The following C1orf54 variants were observed in gnomAD, a reference collection of about 807,000 sequenced individuals.
C1orf54 encodes chromosome 1 open reading frame 54, also known as uncharacterized protein C1orf54.
C1orf54 carries 12 observed loss-of-function variants against 14.7 expected under a neutral mutation model. That is an observed-to-expected ratio of 0.82 (90% CI 0.52 to 1.32). The LOEUF is 1.32. Ranked by LOEUF, C1orf54 falls within the 40% of genes most tolerant of loss-of-function variation. The pLI is 0.00. For synonymous variants in C1orf54, 65 were observed against 56.3 expected (o/e 1.16, Z -0.70); for missense variants, 163 against 162.2 (o/e 1.00, Z -0.03).
chr1:150,277,156 G>A (rs2101877042), intron 4 of C1orf54, among the ~76,000 whole-genome samples: 1 of 152,212 alleles, frequency 6.6e-6, no homozygotes, highest in Non-Finnish European at 1.5e-5. Flanking sequence ...TTGATTGGTG[G>A]GTAGTTATGG....
At position 150,280,862 on chromosome 1, in the gene C1orf54, G is replaced by A; in HGVS notation, c.*31G>A. ...GGAAGAAGGCTGCTATGACTCTTTG[G>A]ATGGGAGTCTGGCAAGAGGAAATTG... On this transcript the variant is annotated 3_prime_UTR_variant, in exon 6 of 6. Transcript: ENST00000369099. 1 of 1,550,272 alleles carries A rather than the reference G, an allele frequency of 6.5e-7. No individual in the cohort carries two copies. Among genetic ancestry groups the A allele is most frequent in the Non-Finnish European group, 8.7e-7 (1 of 1,146,890 alleles).
intron 1 of C1orf54, among the ~76,000 whole-genome samples, 196 bp downstream of exon 1, chr1:150,273,059 T>C (rs770939598): frequency 1.8e-4 from 28 of 151,666 alleles, no homozygotes; most frequent in Non-Finnish European, 3.2e-4. Context: ...AAAAGCAGAG[T>C]CCTGTCAAAC....
chr1:150,273,701 G>T (rs1299282549), intron 1 of C1orf54, among the ~76,000 whole-genome samples: 1 of 152,190 alleles, frequency 6.6e-6, no homozygotes, highest in Non-Finnish European at 1.5e-5. Context: ...GATAAGAAAA[G>T]ATGTCTCACA....
intron 4 of C1orf54, among the ~76,000 whole-genome samples, chr1:150,277,203 CA>C (rs782078564): frequency 2.2e-4 from 34 of 151,864 alleles, no homozygotes; most frequent in Non-Finnish European, 3.2e-4. Flanking sequence ...ATAGTTATTC[CA>C]AGAGTGAAAG....
rs1652308514 is a variant in C1orf54, at chr1:150,272,845, G to A, written c.28G>A (p.Ala10Thr). Residue 10 changes from alanine to threonine, a missense_variant, in exon 1 of 6, where the codon GCT becomes ACT. Transcript: ENST00000369099. MDVLFVAIFAVPLILGQEYE... is the reference protein window; with the variant it reads MDVLFVAIFTVPLILGQEYE... ...GGATGTCCTCTTTGTAGCCATCTTT[G>A]CTGTGCCACTTATCCTGGGTAAGTC... is the stretch of plus-strand genomic sequence containing the variant. 1.2e-6 allele frequency: 2 copies of A among 1,614,132 alleles called. No homozygotes were observed. The highest frequency in any genetic ancestry group is 1.7e-5 in the Admixed American group (1 of 60,014).
upstream of C1orf54, among the ~76,000 whole-genome samples, chr1:150,271,568 C>G (rs587731997): frequency 1.4e-4 from 21 of 152,248 alleles, no homozygotes; most frequent in Non-Finnish European, 2.8e-4. Flanking sequence ...CAAAGCAAAA[C>G]TGTCTTTTCT....
upstream of C1orf54, chr1:150,268,958 G>C (rs1317652512): frequency 1.7e-5 from 11 of 640,906 alleles, no homozygotes; most frequent in African/African-American, 1.1e-4. Context: ...GAAGGGGAAG[G>C]GGGGGAACCG....
At chr1:150,276,486 G>C (rs1553852486) in intron 3 of C1orf54, 36 bp from the exon 4 acceptor site, 1 of 1,538,282 alleles carries the variant, frequency 6.5e-7, no homozygotes, top group Non-Finnish European at 9.0e-7. Context: ...TGGAAAAACT[G>C]ATAACTCTGT....
chr1:150,271,654 A>C (rs1278720473), upstream of C1orf54, among the ~76,000 whole-genome samples: 3 of 152,258 alleles, frequency 2.0e-5, no homozygotes, highest in Non-Finnish European at 4.4e-5. Context: ...TATGTTGCTA[A>C]GGGTTTCTGA....
chr1:150,279,843 T>C (rs1652955105), intron 5 of C1orf54, 102 bp downstream of exon 5: 1 of 1,003,364 alleles, frequency 1.0e-6, no homozygotes, highest in African/African-American at 1.6e-5. Context: ...TAGTTAGTGT[T>C]TCCAGCCTGG....
At chr1:150,275,035 GAA>G (rs201443491) in intron 2 of C1orf54, among the ~76,000 whole-genome samples, 1 of 47,766 alleles carries the variant, frequency 2.1e-5, no homozygotes, top group African/African-American at 8.6e-5. Flanking sequence ...TGTCTCTATA[GAA>G]AAAAAAATTT....
chr1:150,274,142 C>CT lies in C1orf54; in HGVS notation c.103dup (p.Tyr35LeufsTer10), dbSNP rs1553851904. 6.2e-7 allele frequency: 1 copy of CT among 1,612,226 alleles called. No individual in the cohort carries two copies. The highest frequency in any genetic ancestry group is 2.2e-5 in the East Asian group (1 of 44,874). ...GAGAGGATGAATATTATCAGGTGGTCTATTATTATACAGTCACCCCCAGTT... is the reference window on the plus strand; with the variant it reads ...GAGAGGATGAATATTATCAGGTGGTCTTATTATTATACAGTCACCCCCAGTT... On this transcript the variant is annotated frameshift_variant, in exon 2 of 6. Transcript: ENST00000369099. LOFTEE classifies it high-confidence loss of function.
At chr1:150,279,849 C>A in intron 5 of C1orf54, 108 bp downstream of exon 5, 2 of 958,022 alleles carry the variant, frequency 2.1e-6, no homozygotes, top group Non-Finnish European at 3.2e-6. Flanking sequence ...GTGTTTCCAG[C>A]CTGGTCAATT....
In C1orf54 at chr1:150,274,111, G is replaced by C; in HGVS notation, c.71G>C (p.Arg24Thr). 1 of 1,612,448 alleles carries C rather than the reference G, an allele frequency of 6.2e-7. No individual in the cohort carries two copies. The highest frequency in any genetic ancestry group is 8.5e-7 in the Non-Finnish European group (1 of 1,178,530). The change falls in exon 2 of 6, where the codon AGA becomes ACA. Residue 24 changes from arginine to threonine, a missense_variant. Coordinates refer to ENST00000369099, the MANE Select transcript of C1orf54 (RefSeq NM_024579.4). ...ILGQEYEDEE[R>T]LGEDEYYQVV... ...GGACAAGAATATGAGGATGAAGAAA[G>C]ACTGGGAGAGGATGAATATTATCAG...
Position 150,280,915 on chromosome 1 carries a change from A to C in C1orf54, c.*84A>C, listed in dbSNP as rs782533472. Reference sequence around the variant, plus strand: ...AGATAAAATAAATAATAAGTGAAATAATCTGGTTACCATCTACTCCTTCAT... The same window carrying C: ...AGATAAAATAAATAATAAGTGAAATCATCTGGTTACCATCTACTCCTTCAT... On this transcript the variant is annotated 3_prime_UTR_variant, in exon 6 of 6. Transcript: ENST00000369099. The C allele has an allele frequency of 6.5e-7, 1 of 1,543,946 alleles. No homozygotes were observed. The highest frequency in any genetic ancestry group is 8.8e-7 in the Non-Finnish European group (1 of 1,141,226).
chr1:150,268,859 TG>T, upstream of C1orf54: 4 of 1,498,436 alleles, frequency 2.7e-6, no homozygotes, highest in East Asian at 2.4e-5. Flanking sequence ...GACAGGCAAA[TG>T]GGAGGGGCGC....
At chr1:150,274,316 T>C (rs1344202621) in intron 2 of C1orf54, 146 bp downstream of exon 2, 2 of 603,716 alleles carry the variant, frequency 3.3e-6, no homozygotes, top group Non-Finnish European at 2.9e-6. Flanking sequence ...AGACTCATGA[T>C]GGGGCCGGGC....
chr1:150,276,284 G>C (rs1223214815), intron 3 of C1orf54, among the ~76,000 whole-genome samples: 1 of 152,160 alleles, frequency 6.6e-6, no homozygotes, highest in Admixed American at 6.5e-5. Flanking sequence ...GGAGAAAAAA[G>C]CCAGAACTTT....
intron 1 of C1orf54, 61 bp downstream of exon 1, chr1:150,272,924 G>GA (rs1560040744): frequency 1.6e-5 from 25 of 1,557,850 alleles, no homozygotes; most frequent in South Asian, 2.3e-5. Flanking sequence ...TGGGGTGGGA[G>GA]AAAAAAAATG....
Sources: allele counts gnomAD v4.1 joint callset (sites outside exome capture counted in the v4.1 genomes callset), GRCh38; gene constraint gnomAD v4.1.1; transcripts MANE v1.5; gene names NCBI Gene and HGNC (gene_info 2026-07-23, HGNC 2026-07-21).